The following TXNDC8 variants were observed in gnomAD, a reference collection of about 807,000 sequenced individuals.
The protein encoded by TXNDC8 is thioredoxin domain containing 8.
In TXNDC8, 15 loss-of-function variants were observed where a neutral mutation model predicts 12.9. That is an observed-to-expected ratio of 1.16 (90% CI 0.78 to 1.79). The LOEUF is 1.79. Ranked by LOEUF, TXNDC8 falls within the 40% of genes most tolerant of loss-of-function variation. The pLI is 0.00. For synonymous variants in TXNDC8, 40 were observed against 35.4 expected, an observed-to-expected ratio of 1.13 and a Z score of -0.46; for missense variants, 128 against 113.2, an observed-to-expected ratio of 1.13 and a Z score of -0.59.
chr9:110,333,228 G>A (rs1441905317), intron 2 of TXNDC8, among the ~76,000 whole-genome samples: 2 of 152,114 alleles, frequency 1.3e-5, no homozygotes, highest in Non-Finnish European at 2.9e-5. Flanking sequence ...TGAGCGGTGG[G>A]TGAGCTGTCA....
intron 2 of TXNDC8, among the ~76,000 whole-genome samples, chr9:110,329,872 T>G (rs144112161): frequency 6.6e-5 from 10 of 152,352 alleles, no homozygotes; most frequent in South Asian, 2.1e-4. Flanking sequence ...GTTCCATTGC[T>G]GGCTGACTTC....
intron 2 of TXNDC8, 118 bp from the exon 3 acceptor site, chr9:110,329,409 G>A (rs906831183): frequency 1.4e-6 from 1 of 727,644 alleles, no homozygotes. Flanking sequence ...AGAGGACTAA[G>A]CATCATTCTG....
intron 3 of TXNDC8, among the ~76,000 whole-genome samples, chr9:110,308,465 GTT>G (rs34752105): frequency 1.4e-5 from 2 of 147,494 alleles, no homozygotes; most frequent in Non-Finnish European, 1.5e-5. Context: ...AGATCACATT[GTT>G]TTTTTTTTTG....
downstream of TXNDC8, among the ~76,000 whole-genome samples, chr9:110,301,837 G>A (rs1193340698): frequency 2.6e-5 from 4 of 152,110 alleles, no homozygotes; most frequent in Non-Finnish European, 4.4e-5. Context: ...TTTGGATTCC[G>A]TGAATCAAGT....
intron 3 of TXNDC8, among the ~76,000 whole-genome samples, chr9:110,309,743 G>C (rs1030280688): frequency 6.6e-6 from 1 of 152,188 alleles, no homozygotes; most frequent in Admixed American, 6.5e-5. Context: ...GAGAAACTGA[G>C]GCATGTAAGA....
chr9:110,323,824 A>G, intron 3 of TXNDC8: 1 of 1,538,764 alleles, frequency 6.5e-7, no homozygotes, highest in Non-Finnish European at 8.8e-7. Flanking sequence ...GTAGCTTCAG[A>G]CTCATATCTT....
rs761752449 is a variant in TXNDC8, at chr9:110,303,547, C to T, written c.*135G>A. Reference sequence around the variant, plus strand: ...TACATTAATTCTTGAGTCTTGGCTTCCAATTTTTTAGCATCGGCTCCACAA... The same window carrying T: ...TACATTAATTCTTGAGTCTTGGCTTTCAATTTTTTAGCATCGGCTCCACAA... On this transcript the variant is annotated 3_prime_UTR_variant, in exon 5 of 5. Coordinates refer to ENST00000423740, the MANE Select transcript of TXNDC8 (RefSeq NM_001286946.2). 21 of 1,530,560 alleles carry T rather than the reference C, an allele frequency of 1.4e-5. No individual in the cohort carries two copies. The highest frequency in any genetic ancestry group is 3.4e-4 in the Middle Eastern group (2 of 5,902). The allele number at this position is 1,530,560 out of a possible 1,614,324, so 94.8% of individuals were successfully genotyped here.
chr9:110,311,522 T>G (rs1337856842), intron 3 of TXNDC8, among the ~76,000 whole-genome samples: 9 of 6,278 alleles, frequency 1.4e-3, no homozygotes, highest in African/African-American at 3.5e-3. Context: ...AATAAAGAGG[T>G]ATATATATAT....
chr9:110,328,141 C>A (rs1453002090), intron 2 of TXNDC8, among the ~76,000 whole-genome samples: 1 of 152,148 alleles, frequency 6.6e-6, no homozygotes, highest in Non-Finnish European at 1.5e-5. Context: ...GGAGGTTGAA[C>A]TATAATGGGT....
intron 2 of TXNDC8, among the ~76,000 whole-genome samples, chr9:110,332,953 A>G (rs1210668045): frequency 1.3e-5 from 2 of 152,236 alleles, no homozygotes; most frequent in Non-Finnish European, 2.9e-5. Context: ...CCTGGAGGAC[A>G]TCATGCTAAG....
chr9:110,333,609 C>A (rs1839629718), intron 2 of TXNDC8, among the ~76,000 whole-genome samples: 1 of 152,050 alleles, frequency 6.6e-6, no homozygotes, highest in South Asian at 2.1e-4. Flanking sequence ...CAGATGTACA[C>A]AAGGTTTCAT....
chr9:110,328,538 G>A (rs1195679368), intron 2 of TXNDC8, among the ~76,000 whole-genome samples: 1 of 152,256 alleles, frequency 6.6e-6, no homozygotes, highest in African/African-American at 2.4e-5. Context: ...TGGATGCAGT[G>A]GCTCACGCCT....
intron 3 of TXNDC8, among the ~76,000 whole-genome samples, chr9:110,325,513 CTTTTTTTTTT>C (rs201113003): frequency 1.7e-5 from 2 of 117,564 alleles, no homozygotes; most frequent in Non-Finnish European, 3.3e-5. Flanking sequence ...CTTGTATACA[CTTTTTTTTTT>C]TTTTTTTTTT....
intron 1 of TXNDC8, among the ~76,000 whole-genome samples, chr9:110,336,266 A>C (rs1839756435): frequency 6.6e-6 from 1 of 152,244 alleles, no homozygotes; most frequent in South Asian, 2.1e-4. Context: ...AGCCTTGACA[A>C]TTATGTGGCT....
At chr9:110,303,192 A>G (rs2118669210), downstream of TXNDC8, among the ~76,000 whole-genome samples, 1 of 152,312 alleles carries the variant, frequency 6.6e-6, no homozygotes, top group South Asian at 2.1e-4. Flanking sequence ...ACTGGGAAGA[A>G]TTGGATCTTT....
intron 3 of TXNDC8, among the ~76,000 whole-genome samples, chr9:110,316,875 C>A (rs1348834310): frequency 2.0e-5 from 3 of 152,320 alleles, no homozygotes; most frequent in Non-Finnish European, 2.9e-5. Context: ...GTTGCAACTA[C>A]TCAAATTTGC....
intron 3 of TXNDC8, among the ~76,000 whole-genome samples, chr9:110,317,905 G>A (rs1489771618): frequency 6.6e-6 from 1 of 152,224 alleles, no homozygotes; most frequent in African/African-American, 2.4e-5. Context: ...AGTGTTCCTT[G>A]TGTTGGTGAT....
At chr9:110,317,719 G>A (rs1318192367) in intron 3 of TXNDC8, among the ~76,000 whole-genome samples, 2 of 152,222 alleles carry the variant, frequency 1.3e-5, no homozygotes, top group Non-Finnish European at 2.9e-5. Flanking sequence ...CAGCCACATT[G>A]TTCAATGAGC....
intron 1 of TXNDC8, among the ~76,000 whole-genome samples, chr9:110,337,514 C>T (rs149589049): frequency 6.6e-6 from 1 of 152,164 alleles, no homozygotes; most frequent in African/African-American, 2.4e-5. Flanking sequence ...AGGAGCTGGT[C>T]TGGGATTCAC....
Sources: allele counts gnomAD v4.1 joint callset (sites outside exome capture counted in the v4.1 genomes callset), GRCh38; gene constraint gnomAD v4.1.1; transcripts MANE v1.5; gene names NCBI Gene and HGNC (gene_info 2026-07-23, HGNC 2026-07-21).